Variants in NELFB observed in about 807,000 individuals in gnomAD.
NELFB encodes negative elongation factor B.
NELFB carries 34 observed loss-of-function variants against 60.2 expected under a neutral mutation model. That is an observed-to-expected ratio of 0.56 (90% CI 0.43 to 0.75). The LOEUF (loss-of-function observed/expected upper bound fraction) is 0.75. NELFB is among the 30% of genes least tolerant of loss of function. The pLI, the probability that NELFB is intolerant of heterozygous loss-of-function variation, is 0.00. For missense variants in NELFB, 770 were observed against 831.6 expected, an observed-to-expected ratio of 0.93 and a Z score of 0.91; for synonymous variants, 459 against 382.1, an observed-to-expected ratio of 1.20 and a Z score of -2.35.
intron 7 of NELFB, 107 bp from the exon 8 acceptor site, chr9:137,266,224 C>T: frequency 2.0e-6 from 2 of 1,009,672 alleles, no homozygotes; most frequent in Non-Finnish European, 2.9e-6. Context: ...TCGTGTGGTC[C>T]TGGCCATGGG....
rs1830471563 is a variant in NELFB, at chr9:137,263,028, TTGC to T, written c.742-5_742-3del. On this transcript the variant is annotated splice_region_variant and splice_polypyrimidine_tract_variant and intron_variant, in intron 4 of 12. Coordinates refer to ENST00000343053, the MANE Select transcript of NELFB (RefSeq NM_015456.5). ...CGGTCTGGGGGCCTGACAGTGCCTC[TTGC>T]TGCAGGTGGTGCAGCGGCTGACGCG... is the stretch of plus-strand genomic sequence containing the variant. 3 of 1,608,826 alleles carry T rather than the reference TTGC, an allele frequency of 1.9e-6. No homozygotes were observed. In the African/African-American group the frequency reaches 4.0e-5, roughly 21 times the overall value.
intron 4 of NELFB, among the ~76,000 whole-genome samples, chr9:137,260,614 G>A (rs1456750368): frequency 2.0e-5 from 3 of 150,412 alleles, no homozygotes; most frequent in Non-Finnish European, 4.4e-5. Context: ...CACCACGCCC[G>A]ACTAATTTTT....
chr9:137,260,326 G>A (rs1459851011), intron 4 of NELFB, among the ~76,000 whole-genome samples: 14 of 150,986 alleles, frequency 9.3e-5, no homozygotes, highest in Non-Finnish European at 1.8e-4. Context: ...CTGGGATTAC[G>A]GGCGTGAGCC....
intron 10 of NELFB, among the ~76,000 whole-genome samples, chr9:137,268,421 T>TA (rs796812670): frequency 1.3e-5 from 2 of 152,032 alleles, no homozygotes; most frequent in Non-Finnish European, 2.9e-5. Flanking sequence ...CTGTCTCTAC[T>TA]AAAAAAATAC....
At position 137,255,528 on chromosome 9, in the gene NELFB, G is replaced by A. The variant is rs1191929869; in HGVS notation, c.163G>A (p.Asp55Asn). The A allele has an allele frequency of 1.3e-6, 2 of 1,546,434 alleles. No individual in the cohort carries two copies. The highest frequency in any genetic ancestry group is 3.9e-5 in the Admixed American group (2 of 50,902). Residue 55 changes from aspartate to asparagine, a missense_variant, in exon 1 of 13, where the codon GAC becomes AAC. Transcript: ENST00000343053. ...CTCGGCCATGTTCGCGGGGCTGCAG[G>A]ACCTGGGCGTGGCCAACGGCGAGGA...
At chr9:137,268,249 C>T (rs1329026892) in intron 10 of NELFB, among the ~76,000 whole-genome samples, 9 of 152,150 alleles carry the variant, frequency 5.9e-5, no homozygotes, top group African/African-American at 2.2e-4. Context: ...TCTTAGTCCA[C>T]GTTATGCTGC....
intron 6 of NELFB, among the ~76,000 whole-genome samples, chr9:137,264,644 TTTAGTA>T (rs2118983439): frequency 6.6e-6 from 1 of 152,248 alleles, no homozygotes; most frequent in African/African-American, 2.4e-5. Context: ...TTTTGTATTT[TTTAGTA>T]GAGACAGGGT....
At position 137,263,124 on chromosome 9, in the gene NELFB, A is replaced by G. The variant is rs766384819; in HGVS notation, c.829A>G (p.Thr277Ala). 11 of 1,614,010 alleles carry G rather than the reference A, an allele frequency of 6.8e-6. No homozygotes were observed. Among genetic ancestry groups the G allele is most frequent in the Non-Finnish European group, 9.3e-6 (11 of 1,180,012 alleles). Reference sequence around the variant, plus strand: ...GTTTCTGCGCACGCTCTTCCTGCGCACGCGGAATGTGCACTACTGCACGCT... The same window carrying G: ...GTTTCTGCGCACGCTCTTCCTGCGCGCGCGGAATGTGCACTACTGCACGCT... The change falls in exon 5 of 13, where the codon ACG (threonine) becomes GCG (alanine). Residue 277 changes from threonine to alanine, a missense_variant. Thr to Ala is a moderately conservative substitution (Grantham distance 58). Transcript: ENST00000343053.
Position 137,267,091 on chromosome 9 carries a change from G to A in NELFB, c.1382+5G>A, listed in dbSNP as rs1026634211. Reference sequence around the variant, plus strand: ...ACTTCCCGAAAGCTTCACTAAGTACGGGCTGTAGGGCCATGGTGCAGGGGT... The same window carrying A: ...ACTTCCCGAAAGCTTCACTAAGTACAGGCTGTAGGGCCATGGTGCAGGGGT... On this transcript the variant is annotated splice_donor_5th_base_variant and intron_variant, in intron 9 of 12. Coordinates refer to ENST00000343053, the MANE Select transcript of NELFB (RefSeq NM_015456.5). The A allele has an allele frequency of 1.1e-5, 17 of 1,613,818 alleles. No homozygotes were observed. Among genetic ancestry groups the A allele is most frequent in the East Asian group, 2.2e-5 (1 of 44,898 alleles).
At position 137,264,374 on chromosome 9, in the gene NELFB, C is replaced by T. The variant is rs369375421; in HGVS notation, c.1040+17C>T. The T allele has an allele frequency of 1.0e-4, 160 of 1,549,752 alleles. No individual in the cohort carries two copies. The highest frequency in any genetic ancestry group is 2.8e-4 in the African/African-American group (21 of 73,808). The stretch of plus-strand genomic sequence containing the variant: ...GGTGCTGGGGTGAGGGTCGGCTCCA[C>T]GAGGCCTCTGCCCCTCAGGGCCCTG... On this transcript the variant is annotated intron_variant, in intron 6 of 12. Transcript: ENST00000343053.
At chr9:137,262,998 C>T in intron 4 of NELFB, 39 bp from the exon 5 acceptor site, 1 of 1,597,760 alleles carries the variant, frequency 6.3e-7, no homozygotes, top group Non-Finnish European at 8.6e-7. Context: ...TGGCGGAGCC[C>T]AGGACGGTCT....
At position 137,255,406 on chromosome 9, in the gene NELFB, G is replaced by C; in HGVS notation, c.41G>C (p.Gly14Ala). Residue 14 changes from glycine to alanine, a missense_variant, in exon 1 of 13, where the codon GGT becomes GCT. Physicochemically the swap from Gly to Ala is moderately conservative, Grantham distance 60. Transcript: ENST00000343053. The stretch of plus-strand genomic sequence containing the variant: ...GGCGCCGGGGAGCGGGGCTCGGGCG[G>C]TCCCCGAGGCCCGGCGGAGCGGGCT... 3 of 984,956 alleles carry C rather than the reference G, an allele frequency of 3.0e-6. No homozygotes were observed. The highest frequency in any genetic ancestry group is 4.1e-6 in the Non-Finnish European group (3 of 734,900). The allele number at this position is 984,956 out of a possible 1,614,324, so 61.0% of individuals were successfully genotyped here.
At chr9:137,263,295 ACTCCCCGGCC>A in intron 5 of NELFB, 73 bp downstream of exon 5, 4 of 1,035,906 alleles carry the variant, frequency 3.9e-6, no homozygotes, top group Non-Finnish European at 4.9e-6. Context: ...CTTCCCTCCC[ACTCCCCGGCC>A]CTCCCTCCTT....
intron 4 of NELFB, among the ~76,000 whole-genome samples, chr9:137,260,788 C>T (rs900263671): frequency 6.7e-5 from 10 of 149,112 alleles, no homozygotes; most frequent in African/African-American, 1.2e-4. Flanking sequence ...AGGCCGGGTG[C>T]GGTGGCTCAC....
chr9:137,262,438 C>G (rs1292161263), intron 4 of NELFB, among the ~76,000 whole-genome samples: 1 of 152,220 alleles, frequency 6.6e-6, no homozygotes, highest in Non-Finnish European at 1.5e-5. Context: ...GTCTTCTGGT[C>G]ACACCTCACT....
rs1289639077 is a variant in NELFB, at chr9:137,272,918, C to T, written c.1877C>T (p.Ala626Val). Residue 626 changes from alanine (A) to valine (V), a missense_variant, in exon 13 of 13, where the codon GCC becomes GTC. Coordinates refer to ENST00000343053, the MANE Select transcript of NELFB (RefSeq NM_015456.5). Reference sequence around the variant, plus strand: ...CCCCTCCCCAGCGTGCCCGCCCCTGCCCCGCTCTGAGGGCCCTCCAGACCT... The same window carrying T: ...CCCCTCCCCAGCGTGCCCGCCCCTGTCCCGCTCTGAGGGCCCTCCAGACCT... 5 of 1,533,214 alleles carry T rather than the reference C, an allele frequency of 3.3e-6. No individual in the cohort carries two copies. In the South Asian group the frequency reaches 3.6e-5, roughly 11 times the overall value. The allele number at this position is 1,533,214 out of a possible 1,614,324, so 95.0% of individuals were successfully genotyped here. A position where few individuals can be genotyped will look rare whatever the true frequency, so the allele number is the denominator to read the frequency against.
intron 4 of NELFB, among the ~76,000 whole-genome samples, chr9:137,257,504 CTTTT>C (rs56957141): frequency 8.2e-6 from 1 of 121,312 alleles, no homozygotes. Flanking sequence ...TTTTCTTTTT[CTTTT>C]TTTTTTTTTT....
At position 137,267,244 on chromosome 9, in the gene NELFB, C is replaced by T. The variant is rs1164772851; in HGVS notation, c.1387C>T (p.Leu463=). The T allele has an allele frequency of 1.2e-6, 2 of 1,611,544 alleles. No individual in the cohort carries two copies. The highest frequency in any genetic ancestry group is 2.2e-5 in the East Asian group (1 of 44,864). The change falls in exon 10 of 13, where the codon CTG becomes TTG. Residue 463 remains leucine (L), a synonymous_variant. Transcript: ENST00000343053. ...CTGATGGCGCCCCGGGCGCAGGTTT[C>T]TGCAGGAGCAGCGCATGGCCTGCGA...
rs772397668 is a variant in NELFB, at chr9:137,266,381, A to G, written c.1194A>G (p.Gly398=). Reference sequence around the variant, plus strand: ...TCCGGCTGCTGGCGCTGGGCCAGGGAGCCTGGGACATGATCGACAGCCAGG... The same window carrying G: ...TCCGGCTGCTGGCGCTGGGCCAGGGGGCCTGGGACATGATCGACAGCCAGG... The change falls in exon 8 of 13, where the codon GGA becomes GGG. Residue 398 remains glycine, a synonymous_variant. Transcript: ENST00000343053. The G allele has an allele frequency of 6.2e-7, 1 of 1,612,752 alleles. No individual in the cohort carries two copies.
Sources: gnomAD v4.1 joint callset for allele counts (sites outside exome capture counted in the v4.1 genomes callset) on GRCh38, gnomAD v4.1.1 for gene constraint, MANE v1.5 for transcripts, NCBI Gene and HGNC (gene_info 2026-07-23, HGNC 2026-07-21) for gene names.